Variants in GPC1 observed in about 807,000 individuals in gnomAD.
GPC1 encodes the protein glypican-1.
A neutral mutation model predicts 51.5 loss-of-function variants in GPC1; 26 were observed. The ratio of observed to expected loss-of-function variants is 0.50; its 90% CI spans 0.37 to 0.70. The LOEUF (loss-of-function observed/expected upper bound fraction) is 0.70. Ranked by LOEUF, GPC1 falls within the 30% of genes least tolerant of loss-of-function variation. The pLI is 0.00. For missense variants in GPC1, 775 were observed against 800.5 expected (o/e 0.97, Z 0.38); for synonymous variants, 380 against 348.3 (o/e 1.09, Z -1.01).
At chr2:240,439,957 C>T (rs907656863) in intron 1 of GPC1, among the ~76,000 whole-genome samples, 3 of 152,238 alleles carry the variant, frequency 2.0e-5, no homozygotes, top group East Asian at 3.9e-4. Context: ...CCTGCTGGAC[C>T]GCCAAGCCTC....
chr2:240,464,794 TGTGGCCCCATTGGGCTTGA>T, intron 5 of GPC1, 43 bp from the exon 6 acceptor site: 1 of 1,576,506 alleles, frequency 6.3e-7, no homozygotes, highest in Non-Finnish European at 8.6e-7. Context: ...GGGTCCTGGA[TGTGGCCCCATTGGGCTTGA>T]GGGGCCCCAC....
chr2:240,444,227 G>A (rs1447378325), intron 1 of GPC1, among the ~76,000 whole-genome samples: 1 of 152,192 alleles, frequency 6.6e-6, no homozygotes, highest in Non-Finnish European at 1.5e-5. Context: ...CCCCACAGTG[G>A]GCACCACATG....
chr2:240,455,894 G>A, intron 1 of GPC1: 1 of 308,148 alleles, frequency 3.2e-6, no homozygotes, highest in South Asian at 2.3e-5. Flanking sequence ...GCCTTTGACT[G>A]CCGTGCGTCC....
At chr2:240,442,991 G>C (rs1279001945) in intron 1 of GPC1, among the ~76,000 whole-genome samples, 1 of 152,252 alleles carries the variant, frequency 6.6e-6, no homozygotes, top group Non-Finnish European at 1.5e-5. Flanking sequence ...CTCAGCGTCA[G>C]GCCCTGCACA....
At chr2:240,463,916 G>T (rs767593046) in intron 4 of GPC1, 18 of 264,256 alleles carry the variant, frequency 6.8e-5, no homozygotes, top group Non-Finnish European at 1.0e-4. Flanking sequence ...CAGTGGGCCA[G>T]TGCCCACCAG....
rs2073978615 is a variant in GPC1 at position 240,435,739 on chromosome 2, C to T, written c.-180C>T. 1 of 295,548 alleles carries T rather than the reference C, an allele frequency of 3.4e-6. No individual in the cohort carries two copies. Among genetic ancestry groups the T allele is most frequent in the African/African-American group, 2.2e-5 (1 of 44,744 alleles). 18.3% of individuals were successfully genotyped at this position (295,548 alleles called of 1,614,324 possible). On this transcript the variant is annotated 5_prime_UTR_variant, in exon 1 of 9. Coordinates refer to ENST00000264039, the MANE Select transcript of GPC1 (RefSeq NM_002081.3). ...GTTCGGACCTCGCACCCCGCGCGCC[C>T]CGCGCCGCCGCCGCCGCCGGCTTTT... is the stretch of plus-strand genomic sequence containing the variant.
chr2:240,450,941 A>G lies in GPC1; in HGVS notation c.167-8089A>G, dbSNP rs118190533. On this transcript the variant is annotated intron_variant, in intron 1 of 8. Transcript: ENST00000264039. ...AGGCTTCCTGAGGGAGGTGAGGGGA[A>G]AGCATGTGAGATGGAGGGAAGTGGC... 112 of 404,412 alleles carry G rather than the reference A, an allele frequency of 2.8e-4. 1 individual carries two copies. In the East Asian group the frequency reaches 7.8e-3, roughly 28 times the overall value. The allele number at this position is 404,412 out of a possible 1,614,324, so 25.1% of individuals were successfully genotyped here.
At chr2:240,441,756 G>T (rs74623845) in intron 1 of GPC1, among the ~76,000 whole-genome samples, 3,829 of 152,318 alleles carry the variant, frequency 0.025, 82 homozygotes, top group Middle Eastern at 0.038. Flanking sequence ...CTGACGGGGT[G>T]GGGGGTGCAG....
At chr2:240,456,629 G>A (rs2074167156) in intron 1 of GPC1, 1 of 470,652 alleles carries the variant, frequency 2.1e-6, no homozygotes, top group South Asian at 1.5e-5. Context: ...TGCTCTCCTG[G>A]TCTGGGCAGC....
intron 1 of GPC1, chr2:240,451,506 A>C (rs1328108053): frequency 1.2e-5 from 4 of 330,434 alleles, no homozygotes; most frequent in Non-Finnish European, 2.4e-5. Flanking sequence ...AGGGTTGGGC[A>C]TAGAGATGTG....
At chr2:240,458,924 G>A (rs2074193365) in intron 1 of GPC1, 106 bp from the exon 2 acceptor site, 2 of 1,071,962 alleles carry the variant, frequency 1.9e-6, no homozygotes, top group Admixed American at 4.2e-5. Flanking sequence ...CCCCTGAGCT[G>A]TGCTCCACCC....
chr2:240,441,671 C>T (rs531025713), intron 1 of GPC1, among the ~76,000 whole-genome samples: 6 of 152,282 alleles, frequency 3.9e-5, no homozygotes, highest in South Asian at 4.1e-4. Flanking sequence ...CTGGGCTCCT[C>T]GCTGCCGTGC....
intron 1 of GPC1, among the ~76,000 whole-genome samples, chr2:240,443,617 T>C (rs2074031571): frequency 6.6e-6 from 1 of 152,118 alleles, no homozygotes; most frequent in Non-Finnish European, 1.5e-5. Flanking sequence ...GCAGAAACCC[T>C]GAGCCCAGCA....
At chr2:240,446,676 C>T (rs770429239) in intron 1 of GPC1, among the ~76,000 whole-genome samples, 2 of 152,190 alleles carry the variant, frequency 1.3e-5, no homozygotes, top group African/African-American at 2.4e-5. Context: ...CTTACAGGAC[C>T]CTCAACTGGG....
rs371366522 is a variant in GPC1 at position 240,462,454 on chromosome 2, G to C, written c.589G>C (p.Glu197Gln). 14 of 1,605,528 alleles carry C rather than the reference G, an allele frequency of 8.7e-6. No individual in the cohort carries two copies. Among genetic ancestry groups the C allele is most frequent in the Non-Finnish European group, 1.2e-5 (14 of 1,177,238 alleles). ...CCTGGACTGCCTGGGCAAGCAGGCCGAGGCGCTGCGGCCCTTCGGGGAGGC... is the reference window on the plus strand; with the variant it reads ...CCTGGACTGCCTGGGCAAGCAGGCCCAGGCGCTGCGGCCCTTCGGGGAGGC... ...DYLDCLGKQA[E>Q]ALRPFGEAPR... Residue 197 changes from glutamate to glutamine, a missense_variant, in exon 3 of 9, where the codon GAG becomes CAG. By Grantham distance (29) the Glu-to-Gln change is conservative. Coordinates refer to ENST00000264039, the MANE Select transcript of GPC1 (RefSeq NM_002081.3).
intron 8 of GPC1, 150 bp downstream of exon 8, chr2:240,465,798 G>A (rs764359610): frequency 1.7e-5 from 12 of 721,330 alleles, no homozygotes; most frequent in Admixed American, 5.3e-5. Context: ...GCCCAGGCAC[G>A]ATCACCGAGC....
In GPC1 at chr2:240,448,435, A is replaced by G. The variant is rs1372398054; in HGVS notation, c.167-10595A>G. ...AGTCCCTGCCAGGCAGTCCGGGTGT[A>G]GATAGTCCCTGCCAGGAAGTCTGGG... On this transcript the variant is annotated intron_variant, in intron 1 of 8. Transcript: ENST00000264039. The surrounding 1 kb of genome is among the most constrained non-coding windows in gnomAD (Gnocchi z 4.5). 6.6e-6 allele frequency among the ~76,000 whole-genome samples: 1 copy of G among 152,124 alleles called. No homozygotes were observed. The highest frequency in any genetic ancestry group is 1.5e-5 in the Non-Finnish European group (1 of 68,018).
At position 240,445,896 on chromosome 2, in the gene GPC1, C is replaced by T. The variant is rs11674983; in HGVS notation, c.166+9812C>T. On this transcript the variant is annotated intron_variant, in intron 1 of 8. Transcript: ENST00000264039. ...TAGGCCCGTTGCGGCTCCTGTGAAA[C>T]GGCTTCCCGGGGAAGCACGTGCGTT... 1.3e-3 allele frequency among the ~76,000 whole-genome samples: 191 copies of T among 152,302 alleles called. 1 individual carries two copies. The highest frequency in any genetic ancestry group is 2.1e-3 in the Non-Finnish European group (143 of 68,034).
rs756008122 is a variant in GPC1, at chr2:240,463,369, C to T, written c.740C>T (p.Ser247Leu). The T allele has an allele frequency of 9.3e-6, 15 of 1,612,636 alleles. No homozygotes were observed. The highest frequency in any genetic ancestry group is 5.3e-5 in the African/African-American group (4 of 74,894). The change falls in exon 4 of 9, where the codon TCG becomes TTG. Residue 247 changes from serine (S) to leucine (L), a missense_variant. Transcript: ENST00000264039. ...CAGGTCCCCCTGGGCCCGGAGTGCT[C>T]GAGAGCTGTCATGAAGCTGGTCTAC... ...VAQVPLGPEC[S>L]RAVMKLVYCA... is the part of the protein sequence containing the mutation.
Sources: allele counts gnomAD v4.1 joint callset (sites outside exome capture counted in the v4.1 genomes callset), GRCh38; gene constraint gnomAD v4.1.1; non-coding constraint Gnocchi (gnomAD v3.1); transcripts MANE v1.5; gene names NCBI Gene and HGNC (gene_info 2026-07-23, HGNC 2026-07-21).